The following UBL3 variants were observed in gnomAD, a reference collection of about 807,000 sequenced individuals.
UBL3 encodes the protein ubiquitin like 3.
Under a neutral mutation model 18.4 loss-of-function variants are expected in UBL3, and 6 were observed. That is an observed-to-expected ratio of 0.33 (90% CI 0.18 to 0.64). UBL3 has a LOEUF of 0.64. UBL3 is among the 30% of genes least tolerant of loss of function. The pLI is 0.76. For synonymous variants in UBL3, 49 were observed against 46.6 expected (o/e 1.05, Z -0.21); for missense variants, 109 against 142.9 (o/e 0.76, Z 1.21).
At chr13:29,782,064 C>T (rs1022974374) in intron 1 of UBL3, among the ~76,000 whole-genome samples, 1 of 151,608 alleles carries the variant, frequency 6.6e-6, no homozygotes, top group African/African-American at 2.4e-5. Context: ...AAACATTAAG[C>T]ACAGAAATAT....
intron 1 of UBL3, among the ~76,000 whole-genome samples, chr13:29,820,247 G>T (rs572836573): frequency 4.8e-4 from 71 of 146,756 alleles, no homozygotes; most frequent in African/African-American, 1.7e-3. Context: ...CTCGATCTCG[G>T]CTCACTGCAA....
intron 1 of UBL3, among the ~76,000 whole-genome samples, chr13:29,844,578 T>C (rs749115461): frequency 1.3e-5 from 2 of 152,200 alleles, no homozygotes; most frequent in Non-Finnish European, 2.9e-5. Flanking sequence ...CCAACATTGT[T>C]AGATTGGGCT....
intron 1 of UBL3, among the ~76,000 whole-genome samples, chr13:29,782,533 T>A (rs1162969557): frequency 2.6e-5 from 4 of 152,208 alleles, no homozygotes; most frequent in Non-Finnish European, 4.4e-5. Flanking sequence ...TAGGTGGGTA[T>A]GAATCTTCGG....
At chr13:29,810,353 G>T (rs1878024295) in intron 1 of UBL3, among the ~76,000 whole-genome samples, 1 of 152,062 alleles carries the variant, frequency 6.6e-6, no homozygotes, top group Admixed American at 6.6e-5. Context: ...AGAAAAGAGA[G>T]AGATAGAAGA....
chr13:29,822,021 T>A (rs1390130380), intron 1 of UBL3, among the ~76,000 whole-genome samples: 2 of 152,192 alleles, frequency 1.3e-5, no homozygotes, highest in African/African-American at 4.8e-5. Context: ...TGTTCTTAAT[T>A]CTGATATAAT....
chr13:29,780,389 T>TGTGC (rs1430650826), intron 1 of UBL3, among the ~76,000 whole-genome samples: 1 of 62,038 alleles, frequency 1.6e-5, no homozygotes, highest in Non-Finnish European at 4.1e-5. Flanking sequence ...TATATATATA[T>TGTGC]ATGTGTGTGT....
intron 1 of UBL3, among the ~76,000 whole-genome samples, chr13:29,801,375 C>T (rs1267775446): frequency 1.3e-5 from 2 of 152,170 alleles, no homozygotes; most frequent in Non-Finnish European, 2.9e-5. Flanking sequence ...GCGGTTCTGC[C>T]CCTGCTGCTC....
At chr13:29,799,673 A>G (rs567033337) in intron 1 of UBL3, among the ~76,000 whole-genome samples, 54 of 152,322 alleles carry the variant, frequency 3.5e-4, no homozygotes, top group Admixed American at 3.5e-3. Context: ...GGAAAAAAAG[A>G]GTCAAATCCT....
intron 1 of UBL3, among the ~76,000 whole-genome samples, chr13:29,830,789 C>T (rs919893291): frequency 1.8e-4 from 27 of 152,164 alleles, no homozygotes; most frequent in Admixed American, 1.7e-3. Context: ...GAAAAAATGA[C>T]TTTCAAAAAA....
chr13:29,790,631 T>C (rs953622834), intron 1 of UBL3, among the ~76,000 whole-genome samples: 1 of 152,196 alleles, frequency 6.6e-6, no homozygotes, highest in African/African-American at 2.4e-5. Flanking sequence ...ACTTTATATG[T>C]TTCCTTCTTG....
intron 1 of UBL3, among the ~76,000 whole-genome samples, chr13:29,791,535 C>G (rs1283135617): frequency 6.6e-6 from 1 of 152,156 alleles, no homozygotes; most frequent in African/African-American, 2.4e-5. Context: ...TCAGCCAAAG[C>G]AATATATTCA....
At chr13:29,828,223 C>T (rs981247132) in intron 1 of UBL3, among the ~76,000 whole-genome samples, 3 of 152,114 alleles carry the variant, frequency 2.0e-5, no homozygotes, top group Non-Finnish European at 2.9e-5. Flanking sequence ...TGAATGTTGG[C>T]CTGCATTGCT....
At chr13:29,813,744 G>A (rs1387811392) in intron 1 of UBL3, among the ~76,000 whole-genome samples, 2 of 151,994 alleles carry the variant, frequency 1.3e-5, no homozygotes, top group Non-Finnish European at 2.9e-5. Flanking sequence ...GGTGATGGTA[G>A]GGTCCTGAAC....
intron 1 of UBL3, among the ~76,000 whole-genome samples, chr13:29,782,940 T>C (rs1382673282): frequency 6.6e-6 from 1 of 152,232 alleles, no homozygotes; most frequent in Non-Finnish European, 1.5e-5. Context: ...CCTGGATCAG[T>C]GTTTGGCACA....
intron 1 of UBL3, among the ~76,000 whole-genome samples, chr13:29,781,527 A>T (rs549380158): frequency 6.6e-6 from 1 of 152,168 alleles, no homozygotes; most frequent in Non-Finnish European, 1.5e-5. Flanking sequence ...AAAGAAATAT[A>T]AATGATTTTC....
intron 3 of UBL3, among the ~76,000 whole-genome samples, chr13:29,768,455 A>AT (rs1876748551): frequency 1.3e-5 from 2 of 152,074 alleles, no homozygotes; most frequent in Non-Finnish European, 2.9e-5. Context: ...TATAGTTGTT[A>AT]TGTTTTAGTT....
chr13:29,847,855 T>A (rs1487691344), intron 1 of UBL3, among the ~76,000 whole-genome samples: 1 of 152,076 alleles, frequency 6.6e-6, no homozygotes, highest in Non-Finnish European at 1.5e-5. Flanking sequence ...GAGGAAAGCT[T>A]GTCCAGCCGT....
In UBL3 at chr13:29,835,089, AATATATATATATATATAAATATAT is replaced by A. The variant is rs1878886603; in HGVS notation, c.27+14399_27+14422del. 2.2e-4 allele frequency among the ~76,000 whole-genome samples: 16 copies of A among 74,262 alleles called. 1 individual carries two copies. Among genetic ancestry groups the A allele is most frequent in the East Asian group, 6.6e-4 (2 of 3,018 alleles). 48.7% of individuals were successfully genotyped at this position (74,262 alleles called of 152,430 possible). A position where few individuals can be genotyped will look rare whatever the true frequency, so the allele number is the denominator to read the frequency against. On this transcript the variant is annotated intron_variant, in intron 1 of 4. Transcript: ENST00000380680. Reference sequence around the variant, plus strand: ...GCAGCAAATAAAATATATAAATATAAATATATATATATATATAAATATATATATATATATAAATATATATATATA... The same window carrying A: ...GCAGCAAATAAAATATATAAATATAAATATATATATAAATATATATATATA...
intron 1 of UBL3, among the ~76,000 whole-genome samples, chr13:29,811,473 A>G (rs1409796626): frequency 6.6e-6 from 1 of 152,082 alleles, no homozygotes; most frequent in African/African-American, 2.4e-5. Flanking sequence ...TTCTGGACAA[A>G]GAGGTGTATG....
Sources: allele counts gnomAD v4.1 joint callset (sites outside exome capture counted in the v4.1 genomes callset), GRCh38; gene constraint gnomAD v4.1.1; transcripts MANE v1.5; gene names NCBI Gene and HGNC (gene_info 2026-07-23, HGNC 2026-07-21).